The following MCF2L variants were observed in gnomAD, a reference collection of about 807,000 sequenced individuals.
MCF2L encodes the protein guanine nucleotide exchange factor DBS.
A neutral mutation model predicts 153.4 loss-of-function variants in MCF2L; 97 were observed. The ratio of observed to expected loss-of-function variants is 0.63; its 90% confidence interval spans 0.54 to 0.75. The LOEUF is 0.75. MCF2L is among the 30% of genes least tolerant of loss of function. The pLI, the probability that MCF2L is intolerant of heterozygous loss-of-function variation, is 0.00. For synonymous variants in MCF2L, 659 were observed against 632.2 expected (o/e 1.04, Z -0.64); for missense variants, 1,347 against 1,495.2 (o/e 0.90, Z 1.64).
At chr13:113,083,809 GGCT>G (rs1230917414) in intron 17 of MCF2L, among the ~76,000 whole-genome samples, 186 bp from the exon 18 acceptor site, 1 of 152,234 alleles carries the variant, frequency 6.6e-6, no homozygotes, top group African/African-American at 2.4e-5. Context: ...CTCAGCCTGG[GGCT>G]GCACCTGCTG....
intron 3 of MCF2L, chr13:113,044,246 G>A: frequency 4.0e-6 from 1 of 251,848 alleles, no homozygotes; most frequent in Non-Finnish European, 7.9e-6. Context: ...ACGGCCAGAT[G>A]CAGACAGGGA....
rs7319791 is a variant in MCF2L, at chr13:113,054,383, C to T, written c.370-6210C>T. The T allele has an allele frequency of 0.34, 56,773 of 167,362 alleles. 9,848 individuals carry two copies. The highest frequency in any genetic ancestry group is 0.43 in the Middle Eastern group (128 of 298). 10.4% of individuals were successfully genotyped at this position (167,362 alleles called of 1,614,324 possible). On this transcript the variant is annotated intron_variant, in intron 4 of 29. Transcript: ENST00000535094. This position sits in a 1 kb window ranked among gnomAD's most constrained non-coding sequence, Gnocchi z 5.2. ...ATTGGTTTTAGGAGTGATGGCCTCA[C>T]GCACACGGCAGCGGCCATTCTGAGC... is the stretch of plus-strand genomic sequence containing the variant.
chr13:113,094,435 C>T lies in MCF2L; in HGVS notation c.2954-79C>T, dbSNP rs1242097873. The T allele has an allele frequency of 4.1e-6, 6 of 1,476,850 alleles. No homozygotes were observed. In the South Asian group the frequency reaches 4.1e-5, roughly 10 times the overall value. The allele number at this position is 1,476,850 out of a possible 1,614,324, so 91.5% of individuals were successfully genotyped here. A position where few individuals can be genotyped will look rare whatever the true frequency, so the allele number is the denominator to read the frequency against. On this transcript the variant is annotated intron_variant, in intron 26 of 29. Coordinates refer to ENST00000535094, the MANE Select transcript of MCF2L (RefSeq NM_001112732.3). ...CACACATTTCAGGGGGTCTGTGGGA[C>T]TTAGCTGACCCCACCTCAGACAGAT...
chr13:112,898,206 T>C lies in MCF2L; in HGVS notation c.-5+3775T>C, dbSNP rs564775674. ...GCCCAGTGCCTGGGATGAGACACAC[T>C]GTGTGACCGCCAGCTCACTGCTTCC... On this transcript the variant is annotated intron_variant, in intron 1 of 29. Coordinates refer to the MCF2L transcript ENST00000375608. Among the ~76,000 whole-genome samples the C allele has an allele frequency of 2.5e-4, 38 of 152,264 alleles. 1 individual carries two copies. The South Asian group carries it at 7.7e-3, about 31-fold the overall frequency.
chr13:112,991,308 G>C (rs1341456957), intron 1 of MCF2L, among the ~76,000 whole-genome samples: 8 of 148,632 alleles, frequency 5.4e-5, no homozygotes, highest in Non-Finnish European at 1.1e-4. Flanking sequence ...GCGTCTCCCA[G>C]GACCTGATTT....
intron 3 of MCF2L, among the ~76,000 whole-genome samples, chr13:113,038,947 T>C (rs1052329195): frequency 6.6e-6 from 1 of 152,178 alleles, no homozygotes; most frequent in Non-Finnish European, 1.5e-5. Context: ...AAGCGCCGCC[T>C]CCCGGGTTCA....
At chr13:112,953,633 A>C (rs1011001069) in intron 2 of MCF2L, among the ~76,000 whole-genome samples, 1 of 152,164 alleles carries the variant, frequency 6.6e-6, no homozygotes, top group Non-Finnish European at 1.5e-5. Flanking sequence ...CGGTGGTTCT[A>C]GAGGCCTGGG....
In MCF2L at chr13:112,960,010, G is replaced by A. The variant is rs967996030; in HGVS notation, c.170-54753G>A. On this transcript the variant is annotated intron_variant, in intron 2 of 29. Transcript: ENST00000375608. This position sits in a 1 kb window ranked among gnomAD's most constrained non-coding sequence, Gnocchi z 4.2. ...TCTCTCTGTTCTCACGCGTCGGGCT[G>A]CGGCAGAGGTGCCTGTGTCACCGAG... Among the ~76,000 whole-genome samples, 3 of 152,248 alleles carry A rather than the reference G, an allele frequency of 2.0e-5. No individual in the cohort carries two copies. Among genetic ancestry groups the A allele is most frequent in the Non-Finnish European group, 4.4e-5 (3 of 68,046 alleles).
intron 2 of MCF2L, among the ~76,000 whole-genome samples, chr13:112,903,465 G>T (rs1482129075): frequency 6.6e-6 from 1 of 152,216 alleles, no homozygotes; most frequent in Non-Finnish European, 1.5e-5. Context: ...TGTCTTCAGA[G>T]CTCAGCTCTG....
chr13:112,990,260 T>C (rs1000646730), intron 1 of MCF2L, among the ~76,000 whole-genome samples: 4 of 152,208 alleles, frequency 2.6e-5, no homozygotes, highest in Non-Finnish European at 5.9e-5. Flanking sequence ...CCCTGGAACT[T>C]ACAGAATGTG....
chr13:112,925,383 A>G (rs1235963706), intron 2 of MCF2L, among the ~76,000 whole-genome samples: 1 of 152,184 alleles, frequency 6.6e-6, no homozygotes, highest in Non-Finnish European at 1.5e-5. Flanking sequence ...CTAACTGTGC[A>G]CCCAAAAGGA....
At chr13:112,959,818 C>T (rs987541888) in intron 2 of MCF2L, among the ~76,000 whole-genome samples, 4 of 152,234 alleles carry the variant, frequency 2.6e-5, no homozygotes, top group African/African-American at 9.6e-5. Context: ...ACAGCAGCAA[C>T]GCACCGGTGC....
At chr13:113,033,178 G>T (rs2085854758) in intron 3 of MCF2L, among the ~76,000 whole-genome samples, 2 of 140,412 alleles carry the variant, frequency 1.4e-5, no homozygotes, top group Admixed American at 1.4e-4. Context: ...TGGCCCCCAT[G>T]ACGTGAGTGG....
chr13:112,971,653 A>G (rs552648234), intron 1 of MCF2L, among the ~76,000 whole-genome samples: 24 of 152,332 alleles, frequency 1.6e-4, no homozygotes, highest in African/African-American at 5.5e-4. Context: ...GCTAATCTGC[A>G]TGTAAAGGAG....
rs776095925 is a variant in MCF2L, at chr13:113,089,738, T to G, written c.2953+10T>G. On this transcript the variant is annotated intron_variant, in intron 26 of 29. Coordinates refer to ENST00000535094, the MANE Select transcript of MCF2L (RefSeq NM_001112732.3). Reference sequence around the variant, plus strand: ...CCCGAAAAGGGCAAAGGTGGGTATGTGCAGGGACCGGGCCTCACACGGAGG... The same window carrying G: ...CCCGAAAAGGGCAAAGGTGGGTATGGGCAGGGACCGGGCCTCACACGGAGG... The G allele has an allele frequency of 4.2e-5, 67 of 1,611,430 alleles. No homozygotes were observed. In the South Asian group the frequency reaches 7.1e-4, roughly 17 times the overall value.
chr13:113,090,087 T>C, intron 26 of MCF2L: 1 of 1,552,464 alleles, frequency 6.4e-7, no homozygotes, highest in East Asian at 2.4e-5. Context: ...TCACTAGCTC[T>C]GCCTCAGAAA....
rs956461563 is a variant in MCF2L at position 113,090,905 on chromosome 13, G to A, written c.2953+1177G>A. 8 of 1,177,932 alleles carry A rather than the reference G, an allele frequency of 6.8e-6. No individual in the cohort carries two copies. The Middle Eastern group carries it at 1.2e-3, about 171-fold the overall frequency. 73.0% of individuals were successfully genotyped at this position (1,177,932 alleles called of 1,614,324 possible). A position where few individuals can be genotyped will look rare whatever the true frequency, so the allele number is the denominator to read the frequency against. On this transcript the variant is annotated intron_variant, in intron 26 of 29. Transcript: ENST00000535094. ...CCCCGAAAGGACGCCTCTGAGTGCC[G>A]CAGCCCCCACTCCCATGCCCTCCCG...
chr13:112,980,665 G>GCCTTCCCCTTTCCCCCT (rs1566683802), intron 1 of MCF2L, among the ~76,000 whole-genome samples: 2 of 63,476 alleles, frequency 3.2e-5, no homozygotes, highest in Middle Eastern at 9.4e-3. Flanking sequence ...CCTTTCCCCC[G>GCCTTCCCCTTTCCCCCT]CCTTGGGCAC....
intron 1 of MCF2L, among the ~76,000 whole-genome samples, chr13:113,011,969 A>G (rs1337244154): frequency 8.8e-6 from 1 of 113,060 alleles, no homozygotes; most frequent in African/African-American, 3.1e-5. Context: ...GACGGTGGAC[A>G]GGCTGGGTGG....
Sources: gnomAD v4.1 joint callset for allele counts (sites outside exome capture counted in the v4.1 genomes callset) on GRCh38, gnomAD v4.1.1 for gene constraint, Gnocchi (gnomAD v3.1) non-coding constraint, MANE v1.5 for transcripts, NCBI Gene and HGNC (gene_info 2026-07-23, HGNC 2026-07-21) for gene names.